Variants in PRKCZ observed in about 807,000 individuals in gnomAD.
PRKCZ encodes the protein protein kinase C zeta type.
Under a neutral mutation model 79.5 loss-of-function variants are expected in PRKCZ, and 33 were observed. The observed-to-expected ratio is 0.41, with a 90% confidence interval of 0.31 to 0.55. The LOEUF (loss-of-function observed/expected upper bound fraction) is 0.55. Ranked by LOEUF, PRKCZ falls within the 20% of genes least tolerant of loss-of-function variation. The pLI, the probability that PRKCZ is intolerant of heterozygous loss-of-function variation, is 0.19. For missense variants in PRKCZ, 578 were observed against 813.5 expected (o/e 0.71, Z 3.52); for synonymous variants, 342 against 320.9 (o/e 1.07, Z -0.70).
chr1:2,152,811 C>T (rs867901313), intron 9 of PRKCZ, among the ~76,000 whole-genome samples: 5 of 152,258 alleles, frequency 3.3e-5, no homozygotes, highest in South Asian at 4.1e-4. Flanking sequence ...TGTGGCCGCT[C>T]GCTCAGGCCT....
chr1:2,107,383 G>A (rs1668763118), intron 4 of PRKCZ, among the ~76,000 whole-genome samples: 1 of 152,240 alleles, frequency 6.6e-6, no homozygotes, highest in African/African-American at 2.4e-5. Flanking sequence ...CTCAGTGGAT[G>A]CGTCCTCTCT....
intron 4 of PRKCZ, among the ~76,000 whole-genome samples, chr1:2,097,940 G>C (rs1369735716): frequency 6.6e-6 from 1 of 152,198 alleles, no homozygotes; most frequent in African/African-American, 2.4e-5. Context: ...TCCCCTGTTG[G>C]CTAGGGTTGG....
intron 10 of PRKCZ, among the ~76,000 whole-genome samples, chr1:2,167,796 G>A (rs1017903526): frequency 2.6e-5 from 4 of 152,172 alleles, no homozygotes; most frequent in Non-Finnish European, 4.4e-5. Context: ...GTAGAGATGA[G>A]GTTTCACCAT....
intron 4 of PRKCZ, among the ~76,000 whole-genome samples, chr1:2,060,748 G>A (rs1660598908): frequency 6.6e-6 from 1 of 152,198 alleles, no homozygotes; most frequent in Admixed American, 6.5e-5. Context: ...AGGAGGAGAT[G>A]GGGTATGTCC....
chr1:2,055,778 C>A (rs749150859), intron 2 of PRKCZ: 49 of 637,294 alleles, frequency 7.7e-5, no homozygotes, highest in Admixed American at 1.8e-4. Context: ...CTAGGAAGGG[C>A]TCTGGTCTTG....
intron 4 of PRKCZ, among the ~76,000 whole-genome samples, chr1:2,060,554 G>A (rs1346121388): frequency 1.3e-5 from 2 of 152,264 alleles, no homozygotes; most frequent in South Asian, 2.1e-4. Flanking sequence ...AGCGCTTAGC[G>A]TAGGGGAGGC....
intron 10 of PRKCZ, among the ~76,000 whole-genome samples, chr1:2,160,388 G>A (rs1571909396): frequency 1.3e-5 from 2 of 152,232 alleles, no homozygotes; most frequent in African/African-American, 4.8e-5. Flanking sequence ...ACCCGGGGAG[G>A]GTCCGCAGGG....
At chr1:2,107,151 G>T (rs566444264) in intron 4 of PRKCZ, among the ~76,000 whole-genome samples, 5 of 152,366 alleles carry the variant, frequency 3.3e-5, no homozygotes, top group African/African-American at 1.2e-4. Context: ...TGTGACCGGG[G>T]TGCGGAGCAC....
At chr1:2,108,373 C>T (rs149079865) in intron 4 of PRKCZ, among the ~76,000 whole-genome samples, 5 of 152,348 alleles carry the variant, frequency 3.3e-5, no homozygotes, top group Admixed American at 6.5e-5. Flanking sequence ...CATTGACCTC[C>T]GTGGCTCCTG....
chr1:2,050,019 T>A (rs1246770362), upstream of PRKCZ: 1 of 152,294 alleles, frequency 6.6e-6, no homozygotes, highest in African/African-American at 2.4e-5. Context: ...GTGTGAGATG[T>A]CAGGGGACCC....
intron 11 of PRKCZ, 44 bp downstream of exon 11, chr1:2,169,648 G>A: frequency 7.1e-7 from 1 of 1,414,826 alleles, no homozygotes. Context: ...CCCGGAGTTG[G>A]GGATGGGTGG....
Position 2,062,249 on chromosome 1 carries a change from T to G in PRKCZ, c.334+2658T>G, listed in dbSNP as rs79659140. The stretch of plus-strand genomic sequence containing the variant: ...CAAAAAGGGAACCCCGTGCCCGTCA[T>G]CGGTCACTCCCTGTTCTGCCCCAGC... On this transcript the variant is annotated intron_variant, in intron 4 of 17. Transcript: ENST00000378567. 0.011 allele frequency among the ~76,000 whole-genome samples: 1,653 copies of G among 152,220 alleles called. 140 individuals are homozygous for G. In the East Asian group the frequency reaches 0.21, roughly 19 times the overall value.
chr1:2,179,819 C>T (rs1269123259), intron 16 of PRKCZ, among the ~76,000 whole-genome samples: 1 of 152,044 alleles, frequency 6.6e-6, no homozygotes, highest in Non-Finnish European at 1.5e-5. Flanking sequence ...GACTTTCCCA[C>T]GTGCGACAGG....
intron 4 of PRKCZ, among the ~76,000 whole-genome samples, chr1:2,092,614 G>A (rs1342245577): frequency 6.6e-6 from 1 of 152,206 alleles, no homozygotes; most frequent in Non-Finnish European, 1.5e-5. Context: ...TAAATTCATT[G>A]AGCTTGAAGA....
chr1:2,110,651 C>T (rs910293295), intron 4 of PRKCZ, among the ~76,000 whole-genome samples: 14 of 151,462 alleles, frequency 9.2e-5, no homozygotes, highest in African/African-American at 1.9e-4. Context: ...CTCACACCAT[C>T]GCTGGCCCAG....
At chr1:2,112,544 G>A (rs1372790863) in intron 4 of PRKCZ, among the ~76,000 whole-genome samples, 2 of 152,326 alleles carry the variant, frequency 1.3e-5, no homozygotes, top group East Asian at 1.9e-4. Context: ...GCCGCTTGGA[G>A]CGGAGGTGAA....
rs539960927 is a variant in PRKCZ at position 2,126,326 on chromosome 1, G to A, written c.335-8936G>A. ...TGGTCTGCTGACCTGGGCTGCAGGG[G>A]CTGCCCGGCTGGGGTCGTGGTCGGG... On this transcript the variant is annotated intron_variant, in intron 4 of 17. Coordinates refer to ENST00000378567, the MANE Select transcript of PRKCZ (RefSeq NM_002744.6). Among the ~76,000 whole-genome samples, 17 of 152,326 alleles carry A rather than the reference G, an allele frequency of 1.1e-4. No homozygotes were observed. The East Asian group carries it at 1.7e-3, about 16-fold the overall frequency.
At chr1:2,055,900 C>T (rs1440698641) in intron 2 of PRKCZ, 1 of 241,968 alleles carries the variant, frequency 4.1e-6, no homozygotes, top group Non-Finnish European at 8.0e-6. Context: ...AAAGGATGGG[C>T]TCTTCATATT....
chr1:2,081,602 C>T (rs777955467), intron 4 of PRKCZ, among the ~76,000 whole-genome samples: 21 of 152,096 alleles, frequency 1.4e-4, no homozygotes, highest in Non-Finnish European at 2.4e-4. Context: ...TGGGTCGAGG[C>T]GGGGAGGGGA....
Sources: allele counts gnomAD v4.1 joint callset (sites outside exome capture counted in the v4.1 genomes callset), GRCh38; gene constraint gnomAD v4.1.1; transcripts MANE v1.5; gene names NCBI Gene and HGNC (gene_info 2026-07-23, HGNC 2026-07-21).